NPAS3: variants seen among roughly 807,000 people sequenced by gnomAD.
NPAS3 encodes neuronal PAS domain protein 3.
Under a neutral mutation model 73.1 loss-of-function variants are expected in NPAS3, and 14 were observed. That is an observed-to-expected ratio of 0.19 (90% confidence interval 0.13 to 0.30). The LOEUF (loss-of-function observed/expected upper bound fraction) is 0.30. NPAS3 is among the 10% of genes least tolerant of loss of function. NPAS3 has a pLI of 1.00. For synonymous variants in NPAS3, 620 were observed against 541.5 expected, an observed-to-expected ratio of 1.14 and a Z score of -2.01; for missense variants, 1,096 against 1,250.0, an observed-to-expected ratio of 0.88 and a Z score of 1.86.
At chr14:33,245,122 G>T (rs915495992) in intron 3 of NPAS3, among the ~76,000 whole-genome samples, 1 of 152,092 alleles carries the variant, frequency 6.6e-6, no homozygotes, top group Non-Finnish European at 1.5e-5. Context: ...TGGGGCTATA[G>T]ATGATACATT....
intron 1 of NPAS3, among the ~76,000 whole-genome samples, chr14:32,945,434 T>C (rs182314610): frequency 6.6e-6 from 1 of 152,316 alleles, no homozygotes; most frequent in East Asian, 1.9e-4. Context: ...TCACAATAAT[T>C]TTCTCTTTAG....
At chr14:33,728,151 G>T (rs963752339) in intron 6 of NPAS3, among the ~76,000 whole-genome samples, 1 of 152,084 alleles carries the variant, frequency 6.6e-6, no homozygotes, top group Admixed American at 6.6e-5. Context: ...CTCCCTCAGG[G>T]GACAGTCTCA....
intron 3 of NPAS3, among the ~76,000 whole-genome samples, chr14:33,236,513 G>A (rs2048039197): frequency 6.6e-6 from 1 of 152,094 alleles, no homozygotes; most frequent in African/African-American, 2.4e-5. Flanking sequence ...AAGACTTACT[G>A]ATATAAAAAA....
chr14:33,606,706 G>T (rs898029525), intron 5 of NPAS3, among the ~76,000 whole-genome samples: 1 of 151,972 alleles, frequency 6.6e-6, no homozygotes, highest in Non-Finnish European at 1.5e-5. Context: ...TAATTATGAC[G>T]CTAAAAGCAT....
At chr14:33,225,484 C>A (rs2047595803) in intron 3 of NPAS3, among the ~76,000 whole-genome samples, 1 of 152,128 alleles carries the variant, frequency 6.6e-6, no homozygotes, top group Non-Finnish European at 1.5e-5. Context: ...TGTAAAGGAT[C>A]AGATAGTAAA....
intron 9 of NPAS3, among the ~76,000 whole-genome samples, chr14:33,788,384 G>T (rs532566511): frequency 6.6e-6 from 1 of 152,264 alleles, no homozygotes; most frequent in South Asian, 2.1e-4. Context: ...TGGAATCTCC[G>T]ATGATCTCAC....
intron 3 of NPAS3, among the ~76,000 whole-genome samples, chr14:33,305,886 G>A (rs556467366): frequency 3.7e-4 from 57 of 152,218 alleles, no homozygotes; most frequent in African/African-American, 1.3e-3. Context: ...TTCTATGCCT[G>A]GTATTCTCTG....
intron 4 of NPAS3, among the ~76,000 whole-genome samples, chr14:33,439,188 G>T (rs1377681436): frequency 6.6e-6 from 1 of 152,044 alleles, no homozygotes; most frequent in Non-Finnish European, 1.5e-5. Flanking sequence ...ACATTTATAG[G>T]CAGTATTTAT....
intron 1 of NPAS3, among the ~76,000 whole-genome samples, chr14:32,979,624 T>C (rs1028147906): frequency 6.6e-6 from 1 of 152,214 alleles, no homozygotes. Context: ...ATCTCTTTCT[T>C]TGGGCCTGAG....
intron 4 of NPAS3, among the ~76,000 whole-genome samples, chr14:33,414,253 C>A (rs1186182528): frequency 2.0e-5 from 3 of 152,124 alleles, no homozygotes; most frequent in African/African-American, 7.2e-5. Flanking sequence ...TCCCTCCTCC[C>A]CCCACTGTGA....
At chr14:33,686,785 G>T (rs1197074101) in intron 6 of NPAS3, among the ~76,000 whole-genome samples, 1 of 152,108 alleles carries the variant, frequency 6.6e-6, no homozygotes, top group African/African-American at 2.4e-5. Context: ...TAAAACAGCT[G>T]TCCAACCCCT....
At chr14:33,413,350 G>A (rs1190426763) in intron 4 of NPAS3, among the ~76,000 whole-genome samples, 1 of 151,874 alleles carries the variant, frequency 6.6e-6, no homozygotes. Context: ...CCTGGAAGCT[G>A]CATGAGGGCA....
intron 4 of NPAS3, among the ~76,000 whole-genome samples, chr14:33,372,856 T>G (rs1301384033): frequency 6.6e-6 from 1 of 152,148 alleles, no homozygotes; most frequent in Non-Finnish European, 1.5e-5. Flanking sequence ...TCCGAGAACT[T>G]GAGGAGATCA....
At chr14:33,227,589 G>A (rs1377531929) in intron 3 of NPAS3, among the ~76,000 whole-genome samples, 3 of 152,040 alleles carry the variant, frequency 2.0e-5, no homozygotes, top group Admixed American at 6.6e-5. Flanking sequence ...TGTCATATCC[G>A]TACAAGATGG....
chr14:33,486,244 A>G (rs2051589485), intron 4 of NPAS3, among the ~76,000 whole-genome samples: 1 of 152,000 alleles, frequency 6.6e-6, no homozygotes. Flanking sequence ...AACGGCGGCC[A>G]ATTGTGATAA....
intron 3 of NPAS3, among the ~76,000 whole-genome samples, chr14:33,303,856 G>A (rs1370763263): frequency 6.6e-6 from 1 of 152,216 alleles, no homozygotes; most frequent in Non-Finnish European, 1.5e-5. Context: ...GTTGGTGGGA[G>A]ATGATGATTT....
At chr14:33,389,447 A>G (rs982289784) in intron 4 of NPAS3, among the ~76,000 whole-genome samples, 2 of 152,166 alleles carry the variant, frequency 1.3e-5, no homozygotes, top group African/African-American at 4.8e-5. Context: ...GTTATTAGAA[A>G]CAGAACTCTA....
chr14:33,744,395 T>C (rs1444737544), intron 7 of NPAS3, among the ~76,000 whole-genome samples: 1 of 152,164 alleles, frequency 6.6e-6, no homozygotes, highest in African/African-American at 2.4e-5. Context: ...ATCAATTAAG[T>C]TCACCTCTTA....
At chr14:33,364,523 A>G (rs911161391) in intron 3 of NPAS3, among the ~76,000 whole-genome samples, 2 of 152,186 alleles carry the variant, frequency 1.3e-5, no homozygotes, top group African/African-American at 2.4e-5. Context: ...AAACATATAA[A>G]TCAAGAGAAG....
Sources: allele counts gnomAD v4.1 joint callset (sites outside exome capture counted in the v4.1 genomes callset), GRCh38; gene constraint gnomAD v4.1.1; transcripts MANE v1.5; gene names NCBI Gene and HGNC (gene_info 2026-07-23, HGNC 2026-07-21).